Variants in CSMD1 observed in about 807,000 individuals in gnomAD.
CSMD1 encodes CUB and Sushi multiple domains 1.
A neutral mutation model predicts 417.5 loss-of-function variants in CSMD1; 213 were observed. The ratio of observed to expected loss-of-function variants is 0.51; its 90% confidence interval spans 0.46 to 0.57. The LOEUF (loss-of-function observed/expected upper bound fraction) is 0.57, where lower values mean the gene tolerates loss of function less well. CSMD1 is among the 20% of genes least tolerant of loss of function. The pLI is 0.00. For missense variants in CSMD1, 6,923 were observed against 4,529.7 expected (o/e 1.53, Z -15.17); for synonymous variants, 2,862 against 1,736.8 (o/e 1.65, Z -16.11).
At chr8:3,289,458 C>G (rs1803389501) in intron 25 of CSMD1, among the ~76,000 whole-genome samples, 1 of 147,320 alleles carries the variant, frequency 6.8e-6, no homozygotes, top group African/African-American at 2.7e-5. Context: ...TAAAAGTGTT[C>G]CTATTTCTCC....
chr8:3,963,951 G>C (rs189926172), intron 5 of CSMD1, among the ~76,000 whole-genome samples: 41 of 152,160 alleles, frequency 2.7e-4, no homozygotes, highest in Non-Finnish European at 5.4e-4. Flanking sequence ...AGAAGAAAAA[G>C]TTCGTTGGAT....
chr8:4,373,582 T>C (rs1256806899), intron 3 of CSMD1, among the ~76,000 whole-genome samples: 1 of 152,246 alleles, frequency 6.6e-6, no homozygotes, highest in African/African-American at 2.4e-5. Flanking sequence ...TTTCATCTTA[T>C]TTAATTTTCC....
chr8:3,588,003 T>C (rs1443054298), intron 8 of CSMD1, among the ~76,000 whole-genome samples: 3 of 152,162 alleles, frequency 2.0e-5, no homozygotes, highest in Non-Finnish European at 2.9e-5. Flanking sequence ...TTATTTAAGA[T>C]ATCTGTAATT....
intron 1 of CSMD1, among the ~76,000 whole-genome samples, chr8:4,738,375 G>A (rs999897768): frequency 1.3e-5 from 2 of 152,144 alleles, no homozygotes; most frequent in African/African-American, 4.8e-5. Flanking sequence ...TAGCAAAAGG[G>A]CAGCAAACAT....
At chr8:3,411,328 G>T (rs1351744483) in intron 12 of CSMD1, among the ~76,000 whole-genome samples, 1 of 151,814 alleles carries the variant, frequency 6.6e-6, no homozygotes. Context: ...AATTCTTTGT[G>T]GGGTATTTTT....
chr8:4,401,079 G>A (rs1232117840), intron 3 of CSMD1, among the ~76,000 whole-genome samples: 2 of 152,096 alleles, frequency 1.3e-5, no homozygotes, highest in African/African-American at 4.8e-5. Context: ...AAGAAAATGA[G>A]TTTTTACAAA....
At chr8:4,854,321 C>T (rs1290276134) in intron 1 of CSMD1, among the ~76,000 whole-genome samples, 2 of 152,148 alleles carry the variant, frequency 1.3e-5, no homozygotes, top group African/African-American at 4.8e-5. Flanking sequence ...AGGCAGATCC[C>T]TCATAAATGG....
At chr8:3,193,338 A>C (rs576783489) in intron 33 of CSMD1, among the ~76,000 whole-genome samples, 130 of 152,314 alleles carry the variant, frequency 8.5e-4, no homozygotes, top group African/African-American at 3.1e-3. Context: ...AACAAGACGA[A>C]AAATGTTTTT....
intron 65 of CSMD1, 74 bp from the exon 66 acceptor site, chr8:2,951,349 A>G: frequency 6.9e-7 from 1 of 1,440,586 alleles, no homozygotes; most frequent in Non-Finnish European, 9.3e-7. Flanking sequence ...TAAACACAGA[A>G]GGCATCATAC....
intron 3 of CSMD1, among the ~76,000 whole-genome samples, chr8:4,103,207 G>T (rs1585318578): frequency 6.6e-6 from 1 of 151,424 alleles, no homozygotes; most frequent in Admixed American, 6.6e-5. Context: ...TAACAAAAAG[G>T]TAAATATATA....
intron 25 of CSMD1, among the ~76,000 whole-genome samples, chr8:3,297,858 A>T (rs1033118017): frequency 2.6e-5 from 4 of 152,192 alleles, no homozygotes; most frequent in Non-Finnish European, 5.9e-5. Flanking sequence ...AAAAATGAGT[A>T]AAAATTATTA....
chr8:3,507,615 C>T (rs2117377084), intron 10 of CSMD1, among the ~76,000 whole-genome samples: 1 of 152,238 alleles, frequency 6.6e-6, no homozygotes, highest in South Asian at 2.1e-4. Context: ...GTTTACATTC[C>T]CACCAACAGT....
chr8:4,161,821 C>G (rs992311553), intron 3 of CSMD1, among the ~76,000 whole-genome samples: 1 of 152,048 alleles, frequency 6.6e-6, no homozygotes, highest in African/African-American at 2.4e-5. Flanking sequence ...TCATAATCTG[C>G]TATATGATAT....
intron 5 of CSMD1, among the ~76,000 whole-genome samples, chr8:3,966,477 G>A (rs1393522299): frequency 1.3e-5 from 2 of 151,946 alleles, no homozygotes; most frequent in African/African-American, 4.8e-5. Context: ...TTCCATTTCT[G>A]TTATTTATTT....
rs1182066839 is a variant in CSMD1 at position 3,175,483 on chromosome 8, T to TCCTTCCTGCCTG, written c.5725+5626_5725+5627insCAGGCAGGAAGG. On this transcript the variant is annotated intron_variant, in intron 37 of 69. Coordinates refer to ENST00000635120, the MANE Select transcript of CSMD1 (RefSeq NM_033225.6). ...CTTTCCTTCCTTCTTTTCCCTTCCT[T>TCCTTCCTGCCTG]CCTGCCTGCCTGCCTGCCTGCCTGC... 3.5e-3 allele frequency among the ~76,000 whole-genome samples: 427 copies of TCCTTCCTGCCTG among 121,634 alleles called. 4 individuals are homozygous for TCCTTCCTGCCTG. Among genetic ancestry groups the TCCTTCCTGCCTG allele is most frequent in the Middle Eastern group, 0.016 (4 of 248 alleles). 79.8% of individuals were successfully genotyped at this position (121,634 alleles called of 152,430 possible).
chr8:4,115,254 G>C (rs904982664), intron 3 of CSMD1, among the ~76,000 whole-genome samples: 1 of 152,192 alleles, frequency 6.6e-6, no homozygotes, highest in African/African-American at 2.4e-5. Flanking sequence ...GTAGCAAAAA[G>C]ATTATGACTC....
intron 37 of CSMD1, among the ~76,000 whole-genome samples, chr8:3,163,279 G>A (rs1403919327): frequency 2.0e-5 from 3 of 152,198 alleles, no homozygotes; most frequent in Admixed American, 6.5e-5. Context: ...CATTCTTTAT[G>A]GGGCCTTGGA....
intron 22 of CSMD1, among the ~76,000 whole-genome samples, chr8:3,345,248 G>C (rs1000531962): frequency 6.6e-6 from 1 of 152,160 alleles, no homozygotes; most frequent in African/African-American, 2.4e-5. Flanking sequence ...GTGGATCCCT[G>C]AGAGATTGCA....
At chr8:4,411,935 A>C (rs964403827) in intron 3 of CSMD1, among the ~76,000 whole-genome samples, 2 of 152,026 alleles carry the variant, frequency 1.3e-5, no homozygotes, top group African/African-American at 4.8e-5. Flanking sequence ...AATTATTTTT[A>C]ATAGTACTAG....
Sources: gnomAD v4.1 joint callset for allele counts (sites outside exome capture counted in the v4.1 genomes callset) on GRCh38, gnomAD v4.1.1 for gene constraint, MANE v1.5 for transcripts, NCBI Gene and HGNC (gene_info 2026-07-23, HGNC 2026-07-21) for gene names.